The following LMAN2 variants were observed in gnomAD, a reference collection of about 807,000 sequenced individuals.
LMAN2 encodes the protein vesicular integral-membrane protein VIP36.
A neutral mutation model predicts 39.3 loss-of-function variants in LMAN2; 22 were observed. The ratio of observed to expected loss-of-function variants is 0.56; its 90% CI spans 0.40 to 0.80. LMAN2 has a LOEUF of 0.80. Among genes scored for constraint, LMAN2 ranks in the 30% least tolerant of loss-of-function variants. The pLI, the probability that LMAN2 is intolerant of heterozygous loss-of-function variation, is 0.00. For missense variants in LMAN2, 494 were observed against 505.4 expected, an observed-to-expected ratio of 0.98 and a Z score of 0.22; for synonymous variants, 207 against 207.8, an observed-to-expected ratio of 1.00 and a Z score of 0.03.
intron 2 of LMAN2, among the ~76,000 whole-genome samples, chr5:177,339,801 A>G (rs528350865): frequency 6.6e-6 from 1 of 152,358 alleles, no homozygotes; most frequent in African/African-American, 2.4e-5. Context: ...TGAATAATGT[A>G]TAATAAACAT....
chr5:177,338,561 G>C lies in LMAN2; in HGVS notation c.360C>G (p.Val120=). ...KDWEMHVHFK[V]HGTGKKNLHG... is the part of the protein sequence containing the mutation. ...GGAGGTTCTTCTTCCCTGTGCCGTG[G>C]ACTTTGAAGTGGACGTGCATTTCCC... is the stretch of plus-strand genomic sequence containing the variant. Residue 120 remains valine (V), a synonymous_variant, in exon 3 of 8, where the codon GTC becomes GTG. Coordinates refer to ENST00000303127, the MANE Select transcript of LMAN2 (RefSeq NM_006816.3). 1 of 1,614,264 alleles carries C rather than the reference G, an allele frequency of 6.2e-7. No individual in the cohort carries two copies. Among genetic ancestry groups the C allele is most frequent in the Non-Finnish European group, 8.5e-7 (1 of 1,180,038 alleles).
chr5:177,336,518 C>T (rs1266712496), intron 6 of LMAN2, among the ~76,000 whole-genome samples: 1 of 152,128 alleles, frequency 6.6e-6, no homozygotes, highest in Non-Finnish European at 1.5e-5. Context: ...GGCCTGAAGC[C>T]GCCAGGTAGT....
At chr5:177,341,690 C>A (rs1294061477) in intron 2 of LMAN2, among the ~76,000 whole-genome samples, 1 of 152,124 alleles carries the variant, frequency 6.6e-6, no homozygotes, top group African/African-American at 2.4e-5. Flanking sequence ...AAGTCAGATT[C>A]CAGAAGGAAC....
At chr5:177,347,728 C>T (rs1039576943) in intron 2 of LMAN2, among the ~76,000 whole-genome samples, 2 of 152,052 alleles carry the variant, frequency 1.3e-5, no homozygotes, top group South Asian at 4.2e-4. Context: ...AACAGTCAGC[C>T]GAAACATCAT....
At position 177,332,356 on chromosome 5, in the gene LMAN2, G is replaced by A. The variant is rs1449691699; in HGVS notation, c.911-110C>T. On this transcript the variant is annotated intron_variant, in intron 7 of 7. Transcript: ENST00000303127. The surrounding 1 kb of genome is among the most constrained non-coding windows in gnomAD (Gnocchi z 6.3). ...GACAGCCGGCCACGGTGGGCAGGCC[G>A]GTCGTACTCACCCCCCTCACCGGGG... The A allele has an allele frequency of 4.1e-5, 41 of 1,002,912 alleles. No homozygotes were observed. The highest frequency in any genetic ancestry group is 5.2e-5 in the East Asian group (2 of 38,644). The allele number at this position is 1,002,912 out of a possible 1,614,324, so 62.1% of individuals were successfully genotyped here.
At chr5:177,347,610 T>C (rs1761654519) in intron 2 of LMAN2, among the ~76,000 whole-genome samples, 1 of 152,144 alleles carries the variant, frequency 6.6e-6, no homozygotes, top group African/African-American at 2.4e-5. Context: ...AATGCCTTGG[T>C]CCTACACCAG....
At chr5:177,333,974 G>T (rs546489394) in intron 7 of LMAN2, among the ~76,000 whole-genome samples, 16 of 152,366 alleles carry the variant, frequency 1.1e-4, no homozygotes, top group Non-Finnish European at 2.1e-4. Flanking sequence ...TCACACGTTT[G>T]TTGATCAGCC....
In LMAN2 at chr5:177,331,995, A is replaced by G; in HGVS notation, c.*91T>C. 1 of 1,285,676 alleles carries G rather than the reference A, an allele frequency of 7.8e-7. No individual in the cohort carries two copies. The highest frequency in any genetic ancestry group is 1.5e-5 in the South Asian group (1 of 66,816). 79.6% of individuals were successfully genotyped at this position (1,285,676 alleles called of 1,614,324 possible). ...ATTTATTTGAAACAGTTAAGAAATA[A>G]GGTCATCTTGTTGTTCTTTTATAAT... On this transcript the variant is annotated 3_prime_UTR_variant, in exon 8 of 8. Coordinates refer to ENST00000303127, the MANE Select transcript of LMAN2 (RefSeq NM_006816.3).
In LMAN2 at chr5:177,337,883, A is replaced by C; in HGVS notation, c.434-98T>G. 1 of 1,001,172 alleles carries C rather than the reference A, an allele frequency of 1.0e-6. No individual in the cohort carries two copies. The highest frequency in any genetic ancestry group is 1.5e-6 in the Non-Finnish European group (1 of 649,598). 62.0% of individuals were successfully genotyped at this position (1,001,172 alleles called of 1,614,324 possible). A position where few individuals can be genotyped will look rare whatever the true frequency, so the allele number is the denominator to read the frequency against. On this transcript the variant is annotated intron_variant, in intron 3 of 7. Transcript: ENST00000303127. This position sits in a 1 kb window ranked among gnomAD's most constrained non-coding sequence, Gnocchi z 8.2. ...ATGCCAACATGGGTGGGGGCAAGAG[A>C]GCCCAACCCACTGGCCATTCACCGA...
At chr5:177,342,247 T>C (rs1197344430) in intron 2 of LMAN2, among the ~76,000 whole-genome samples, 1 of 152,198 alleles carries the variant, frequency 6.6e-6, no homozygotes, top group Non-Finnish European at 1.5e-5. Flanking sequence ...AGCTCATACC[T>C]GTAGTCCCAG....
chr5:177,336,886 C>A (rs1561604007), intron 6 of LMAN2: 1 of 562,466 alleles, frequency 1.8e-6, no homozygotes, highest in Non-Finnish European at 3.2e-6. Context: ...CAGGTGAGCT[C>A]AGAAACCACA....
intron 2 of LMAN2, among the ~76,000 whole-genome samples, chr5:177,338,854 AC>A: frequency 6.6e-6 from 1 of 152,110 alleles, no homozygotes; most frequent in African/African-American, 2.4e-5. Context: ...TGAGGCCCAG[AC>A]CCCGCCAGCA....
At chr5:177,341,418 T>C (rs1761552895) in intron 2 of LMAN2, among the ~76,000 whole-genome samples, 1 of 152,112 alleles carries the variant, frequency 6.6e-6, no homozygotes. Context: ...AAAAAGGCAA[T>C]GACTCTCACA....
At chr5:177,345,503 T>C (rs1761620255) in intron 2 of LMAN2, among the ~76,000 whole-genome samples, 1 of 152,070 alleles carries the variant, frequency 6.6e-6, no homozygotes, top group Non-Finnish European at 1.5e-5. Flanking sequence ...TGAAGCCTAG[T>C]AATATACCAT....
At chr5:177,342,942 T>G (rs1581604487) in intron 2 of LMAN2, among the ~76,000 whole-genome samples, 1 of 151,932 alleles carries the variant, frequency 6.6e-6, no homozygotes, top group African/African-American at 2.4e-5. Flanking sequence ...TGATAAGGGA[T>G]TAATATCTAG....
intron 7 of LMAN2, among the ~76,000 whole-genome samples, chr5:177,333,381 T>C (rs1447054060): frequency 1.3e-5 from 2 of 152,262 alleles, no homozygotes; most frequent in Non-Finnish European, 2.9e-5. Context: ...CTGCACGGGA[T>C]GCTGGGTGGG....
chr5:177,332,220 A>C lies in LMAN2; in HGVS notation c.937T>G (p.Phe313Val). The change falls in exon 8 of 8, where the codon TTC becomes GTC. Residue 313 changes from phenylalanine (F) to valine (V), a missense_variant. Coordinates refer to ENST00000303127, the MANE Select transcript of LMAN2 (RefSeq NM_006816.3). The surrounding 1 kb of genome is among the most constrained non-coding windows in gnomAD (Gnocchi z 6.3). The stretch of plus-strand genomic sequence containing the variant: ...CACCCCGTCAGGGGCCCGCTGCGGA[A>C]GTTCCCCGTGGGGTCGTCCACGTTG... ...KDNVDDPTGN[F>V]RSGPLTGWRV... is the part of the protein sequence containing the mutation. The C allele has an allele frequency of 5.0e-6, 8 of 1,613,114 alleles. No homozygotes were observed. Among genetic ancestry groups the C allele is most frequent in the Non-Finnish European group, 6.8e-6 (8 of 1,179,818 alleles).
rs1221243040 is a variant in LMAN2 at position 177,337,467 on chromosome 5, T to C, written c.571A>G (p.Ser191Gly). The C allele has an allele frequency of 9.9e-6, 16 of 1,614,002 alleles. No homozygotes were observed. The highest frequency in any genetic ancestry group is 1.3e-5 in the Non-Finnish European group (15 of 1,180,010). Residue 191 changes from serine (S) to glycine (G), a missense_variant, in exon 5 of 8, where the codon AGC (serine) becomes GGC (glycine). Physicochemically the swap from Ser to Gly is moderately conservative, Grantham distance 56. Transcript: ENST00000303127. This position sits in a 1 kb window ranked among gnomAD's most constrained non-coding sequence, Gnocchi z 8.2. The stretch of plus-strand genomic sequence containing the variant: ...AGCTCGGTCCAGCGCCCATCCTTGC[T>C]GTGGTCGTAGGACAGGGAGCCATTG... ...VNNGSLSYDH[S>G]KDGRWTELAG...
chr5:177,337,015 G>A lies in LMAN2; in HGVS notation c.790+121C>T, dbSNP rs2127314987. The A allele has an allele frequency of 2.8e-6, 2 of 707,332 alleles. No individual in the cohort carries two copies. The highest frequency in any genetic ancestry group is 6.8e-4 in the Middle Eastern group (2 of 2,954). The allele number at this position is 707,332 out of a possible 1,614,324, so 43.8% of individuals were successfully genotyped here. The stretch of plus-strand genomic sequence containing the variant: ...AGGCCATTTACAGAAGAAAGGAGGA[G>A]GAGGAACACAGCCAGGTGAGCTCAG... On this transcript the variant is annotated intron_variant, in intron 6 of 7. Coordinates refer to ENST00000303127, the MANE Select transcript of LMAN2 (RefSeq NM_006816.3). The surrounding 1 kb of genome is among the most constrained non-coding windows in gnomAD (Gnocchi z 8.2).
Sources: allele counts gnomAD v4.1 joint callset (sites outside exome capture counted in the v4.1 genomes callset), GRCh38; gene constraint gnomAD v4.1.1; non-coding constraint Gnocchi (gnomAD v3.1); transcripts MANE v1.5; gene names NCBI Gene and HGNC (gene_info 2026-07-23, HGNC 2026-07-21).